The following PAM variants were observed in gnomAD, a reference collection of about 807,000 sequenced individuals.
PAM encodes the protein peptidyl-glycine alpha-amidating monooxygenase.
Under a neutral mutation model 122.1 loss-of-function variants are expected in PAM, and 72 were observed. The observed-to-expected ratio is 0.59, with a 90% CI of 0.49 to 0.72. The LOEUF is 0.72. PAM is among the 30% of genes least tolerant of loss of function. The pLI is 0.00. For synonymous variants in PAM, 389 were observed against 404.4 expected (o/e 0.96, Z 0.46); for missense variants, 1,106 against 1,183.7 (o/e 0.93, Z 0.96).
chr5:102,772,041 A>G (rs116464787), intron 1 of PAM, among the ~76,000 whole-genome samples: 2,072 of 152,212 alleles, frequency 0.014, 69 homozygotes, highest in African/African-American at 0.047. Context: ...GCCTCTTACT[A>G]TAATAGCTGC....
intron 1 of PAM, among the ~76,000 whole-genome samples, chr5:102,767,931 C>T (rs1303187551): frequency 6.6e-6 from 1 of 152,086 alleles, no homozygotes; most frequent in African/African-American, 2.4e-5. Context: ...GTTGTAAGTG[C>T]TGGGACCAGG....
intron 3 of PAM, among the ~76,000 whole-genome samples, chr5:102,872,685 A>G (rs986163607): frequency 6.6e-6 from 1 of 152,220 alleles, no homozygotes; most frequent in African/African-American, 2.4e-5. Context: ...GTTTTATCAG[A>G]GGTAATATAC....
intron 1 of PAM, among the ~76,000 whole-genome samples, chr5:102,789,514 C>T (rs911933210): frequency 6.6e-6 from 1 of 152,018 alleles, no homozygotes; most frequent in Admixed American, 6.6e-5. Flanking sequence ...GAAGACATTA[C>T]GCTAGGTGAA....
intron 5 of PAM, among the ~76,000 whole-genome samples, chr5:102,923,569 A>G (rs1250350611): frequency 6.6e-6 from 1 of 152,258 alleles, no homozygotes; most frequent in Admixed American, 6.5e-5. Context: ...CAATGTTTGG[A>G]TTAAATCCAA....
At chr5:102,763,320 A>T (rs1035923381) in intron 1 of PAM, among the ~76,000 whole-genome samples, 1 of 152,132 alleles carries the variant, frequency 6.6e-6, no homozygotes, top group Non-Finnish European at 1.5e-5. Context: ...TTTGACAGTG[A>T]CCTCTAGCTC....
At chr5:102,877,512 T>G (rs1369967658) in intron 3 of PAM, among the ~76,000 whole-genome samples, 1 of 152,204 alleles carries the variant, frequency 6.6e-6, no homozygotes, top group Non-Finnish European at 1.5e-5. Context: ...TTGAAGAATG[T>G]AGTTCAAGAG....
rs570507985 is a variant in PAM at position 102,858,637 on chromosome 5, C to T, written c.-373-7186C>T. 9.7e-4 allele frequency among the ~76,000 whole-genome samples: 147 copies of T among 152,220 alleles called. 1 individual carries two copies. Among genetic ancestry groups the T allele is most frequent in the African/African-American group, 3.3e-3 (137 of 41,522 alleles). On this transcript the variant is annotated intron_variant, in intron 1 of 25. Transcript: ENST00000438793. The stretch of plus-strand genomic sequence containing the variant: ...AGTTAACATGTAAATTGAAATCTGT[C>T]GAACCATATTTAATAAAATATTTTA...
intron 1 of PAM, among the ~76,000 whole-genome samples, chr5:102,781,061 C>T (rs1197074518): frequency 6.6e-6 from 1 of 151,938 alleles, no homozygotes; most frequent in Non-Finnish European, 1.5e-5. Context: ...TTTAAAAGCA[C>T]TACTCTGAGA....
At chr5:102,817,417 G>T (rs899645399) in intron 1 of PAM, among the ~76,000 whole-genome samples, 1 of 151,754 alleles carries the variant, frequency 6.6e-6, no homozygotes, top group Non-Finnish European at 1.5e-5. Flanking sequence ...TTTCAAAGAT[G>T]TAATTTGAAA....
intron 16 of PAM, among the ~76,000 whole-genome samples, chr5:102,994,915 G>C (rs1166092645): frequency 6.6e-6 from 1 of 152,042 alleles, no homozygotes; most frequent in Non-Finnish European, 1.5e-5. Flanking sequence ...TGAATGGTTG[G>C]TTTTGCAAGT....
intron 1 of PAM, among the ~76,000 whole-genome samples, chr5:102,847,999 A>T (rs1780369545): frequency 6.6e-6 from 1 of 152,194 alleles, no homozygotes; most frequent in African/African-American, 2.4e-5. Context: ...AGCCTTCATG[A>T]TCTTCCTGAA....
intron 3 of PAM, among the ~76,000 whole-genome samples, chr5:102,896,259 AT>A (rs1307272810): frequency 1.3e-5 from 2 of 151,668 alleles, no homozygotes; most frequent in African/African-American, 4.8e-5. Context: ...AGTCACTTCC[AT>A]TTGAACTACT....
intron 1 of PAM, among the ~76,000 whole-genome samples, chr5:102,858,895 G>T (rs1783323664): frequency 1.3e-5 from 2 of 152,086 alleles, no homozygotes; most frequent in Non-Finnish European, 2.9e-5. Context: ...TGTGATGGTG[G>T]TCCCATAAGA....
intron 1 of PAM, among the ~76,000 whole-genome samples, chr5:102,801,922 G>C (rs1318517704): frequency 2.0e-5 from 3 of 150,710 alleles, no homozygotes; most frequent in Non-Finnish European, 3.0e-5. Context: ...GGGACTACAG[G>C]CGCCCGCCAC....
chr5:102,992,717 T>C (rs1774496228), intron 16 of PAM, among the ~76,000 whole-genome samples: 1 of 152,122 alleles, frequency 6.6e-6, no homozygotes, highest in Admixed American at 6.6e-5. Flanking sequence ...TATAAATTAG[T>C]TGGAAACTCC....
chr5:102,995,252 T>C (rs904417759), intron 16 of PAM, among the ~76,000 whole-genome samples: 3 of 152,126 alleles, frequency 2.0e-5, no homozygotes, highest in Admixed American at 6.6e-5. Flanking sequence ...TATAAGGGGT[T>C]CTACAAAAAA....
At chr5:102,978,737 T>C (rs533756640) in intron 15 of PAM, among the ~76,000 whole-genome samples, 49 of 152,136 alleles carry the variant, frequency 3.2e-4, no homozygotes, top group African/African-American at 1.2e-3. Flanking sequence ...ATTTCAGCCA[T>C]AGTCTTACCT....
intron 16 of PAM, among the ~76,000 whole-genome samples, chr5:102,995,607 T>A (rs1464440051): frequency 2.6e-5 from 4 of 152,144 alleles, no homozygotes; most frequent in Admixed American, 2.0e-4. Flanking sequence ...TACTGTTAAG[T>A]AACAAAATGC....
chr5:102,779,193 G>A (rs2149833734), intron 1 of PAM, among the ~76,000 whole-genome samples: 1 of 151,362 alleles, frequency 6.6e-6, no homozygotes, highest in Middle Eastern at 3.5e-3. Flanking sequence ...CTGCCTAAGT[G>A]TGTAATTCAA....
Sources: allele counts gnomAD v4.1 joint callset (sites outside exome capture counted in the v4.1 genomes callset), GRCh38; gene constraint gnomAD v4.1.1; transcripts MANE v1.5; gene names NCBI Gene and HGNC (gene_info 2026-07-23, HGNC 2026-07-21).